RIPOR3: variants seen among roughly 807,000 people sequenced by gnomAD.
RIPOR3 encodes family with sequence similarity 65 member C.
RIPOR3 carries 95 observed loss-of-function variants against 114.3 expected under a neutral mutation model. That is an observed-to-expected ratio of 0.83 (90% CI 0.70 to 0.99). The LOEUF (loss-of-function observed/expected upper bound fraction) is 0.99. Ranked by LOEUF, RIPOR3 falls within the 50% of genes least tolerant of loss-of-function variation. The pLI is 0.00. For missense variants in RIPOR3, 1,252 were observed against 1,266.9 expected (o/e 0.99, Z 0.18); for synonymous variants, 575 against 543.8 (o/e 1.06, Z -0.80).
chr20:50,621,231 C>G (rs73272574), intron 2 of RIPOR3, among the ~76,000 whole-genome samples: 1,535 of 152,334 alleles, frequency 0.01, 37 homozygotes, highest in African/African-American at 0.035. Context: ...CATGCTCTGC[C>G]TGTGCAGGCA....
In RIPOR3 at chr20:50,609,737, C is replaced by G; in HGVS notation, c.427-15G>C. 1 of 1,362,388 alleles carries G rather than the reference C, an allele frequency of 7.3e-7. No homozygotes were observed. The highest frequency in any genetic ancestry group is 9.5e-7 in the Non-Finnish European group (1 of 1,055,088). The allele number at this position is 1,362,388 out of a possible 1,614,324, so 84.4% of individuals were successfully genotyped here. On this transcript the variant is annotated splice_polypyrimidine_tract_variant and intron_variant, in intron 6 of 21. Coordinates refer to ENST00000327979, the MANE Select transcript of RIPOR3 (RefSeq NM_001290268.2). Reference sequence around the variant, plus strand: ...AGCTCATCCACCTGTGGTGGGCACACGGGCTGGTGGCGCTGCCCACGCGGA... The same window carrying G: ...AGCTCATCCACCTGTGGTGGGCACAGGGGCTGGTGGCGCTGCCCACGCGGA...
intron 1 of RIPOR3, among the ~76,000 whole-genome samples, chr20:50,668,463 G>GCGC (rs1417242685): frequency 2.0e-5 from 3 of 152,124 alleles, no homozygotes; most frequent in African/African-American, 4.8e-5. Context: ...CCCAACCTTT[G>GCGC]CGCCTCCTCC....
chr20:50,626,290 G>A (rs1169048061), intron 2 of RIPOR3, among the ~76,000 whole-genome samples: 1 of 152,222 alleles, frequency 6.6e-6, no homozygotes, highest in Non-Finnish European at 1.5e-5. Flanking sequence ...AGGCCAGGTG[G>A]GGGCTGCCCA....
In RIPOR3 at chr20:50,589,733, C is replaced by G. The variant is rs761255631; in HGVS notation, c.2614G>C (p.Asp872His). Reference protein sequence around the residue: ...LFYTNALAENDARLQQAACLA... With the variant: ...LFYTNALAENHARLQQAACLA... ...CATGCGGCCTGCTGGAGCCTTGCGT[C>G]GTTCTCTGCCAGGGCGTTGGTGTAG... The change falls in exon 20 of 22, where the codon GAC (aspartate) becomes CAC (histidine). Residue 872 changes from aspartate to histidine, a missense_variant. Transcript: ENST00000327979. The G allele has an allele frequency of 6.2e-7, 1 of 1,613,658 alleles. No individual in the cohort carries two copies. Among genetic ancestry groups the G allele is most frequent in the Admixed American group, 1.7e-5 (1 of 59,980 alleles).
At chr20:50,679,104 CAAAAAAA>C (rs1215128742) in intron 1 of RIPOR3, among the ~76,000 whole-genome samples, 2 of 35,980 alleles carry the variant, frequency 5.6e-5, no homozygotes, top group Non-Finnish European at 7.7e-5. Flanking sequence ...GATCCTGTCT[CAAAAAAA>C]AAAAAAAAAA....
chr20:50,607,338 A>G (rs1302055692), intron 11 of RIPOR3, among the ~76,000 whole-genome samples: 1 of 152,170 alleles, frequency 6.6e-6, no homozygotes, highest in African/African-American at 2.4e-5. Flanking sequence ...CACCGAGGCA[A>G]GTGATGCTCA....
chr20:50,627,017 G>GAA (rs1193955700), intron 2 of RIPOR3, among the ~76,000 whole-genome samples: 19,933 of 122,918 alleles, frequency 0.16, 3,086 homozygotes, highest in African/African-American at 0.4. Flanking sequence ...TCCGTCTCAA[G>GAA]AAAAAAAAAA....
At chr20:50,594,197 A>AC (rs1478635623) in intron 17 of RIPOR3, among the ~76,000 whole-genome samples, 1 of 149,912 alleles carries the variant, frequency 6.7e-6, no homozygotes, top group Non-Finnish European at 1.5e-5. Flanking sequence ...AATCGCTTGA[A>AC]CCCGGGAGGT....
intron 14 of RIPOR3, 124 bp from the exon 15 acceptor site, chr20:50,596,387 C>T: frequency 7.3e-7 from 1 of 1,365,970 alleles, no homozygotes; most frequent in South Asian, 1.3e-5. Context: ...CCAGGAAGTT[C>T]AACTGAAGAG....
intron 14 of RIPOR3, chr20:50,597,280 C>T (rs1306859812): frequency 5.8e-6 from 2 of 342,204 alleles, no homozygotes; most frequent in African/African-American, 2.1e-5. Context: ...AGAACTTCTA[C>T]TATATACTTG....
At chr20:50,588,367 C>T (rs919936684) in intron 20 of RIPOR3, among the ~76,000 whole-genome samples, 2 of 152,244 alleles carry the variant, frequency 1.3e-5, no homozygotes, top group African/African-American at 2.4e-5. Context: ...TCCTAACCAG[C>T]TTCTCCTCTT....
rs573740969 is a variant in RIPOR3 at position 50,661,143 on chromosome 20, C to T, written c.3+29983G>A. The stretch of plus-strand genomic sequence containing the variant: ...ATCCCAGCTACTCGGGAGGCTGAGG[C>T]AGGAGAATCGCTTGAACGCGGGAGG... On this transcript the variant is annotated intron_variant, in intron 1 of 21. Transcript: ENST00000327979. 9.3e-5 allele frequency among the ~76,000 whole-genome samples: 14 copies of T among 151,144 alleles called. No individual in the cohort carries two copies. In the East Asian group the frequency reaches 2.8e-3, roughly 30 times the overall value.
At chr20:50,682,393 A>G (rs2086887471) in intron 1 of RIPOR3, among the ~76,000 whole-genome samples, 1 of 152,206 alleles carries the variant, frequency 6.6e-6, no homozygotes, top group Admixed American at 6.5e-5. Context: ...TGATTGCTTG[A>G]GGCCAGGAGT....
At chr20:50,625,944 T>A (rs1424410940) in intron 2 of RIPOR3, among the ~76,000 whole-genome samples, 1 of 152,130 alleles carries the variant, frequency 6.6e-6, no homozygotes, top group Non-Finnish European at 1.5e-5. Context: ...GGAGTAAAAA[T>A]CCCTGTCTAT....
rs775249600 is a variant in RIPOR3, at chr20:50,602,065, G to A, written c.1659+7C>T. 4.6e-6 allele frequency: 7 copies of A among 1,530,526 alleles called. No homozygotes were observed. Among genetic ancestry groups the A allele is most frequent in the Non-Finnish European group, 6.1e-6 (7 of 1,140,848 alleles). The allele number at this position is 1,530,526 out of a possible 1,614,324, so 94.8% of individuals were successfully genotyped here. A position where few individuals can be genotyped will look rare whatever the true frequency, so the allele number is the denominator to read the frequency against. ...CAGGGCCACCGCCCGGGGCGGGGTG[G>A]CCATACCTTCAGCCGGTCCCGGAAG... is the stretch of plus-strand genomic sequence containing the variant. On this transcript the variant is annotated splice_region_variant and intron_variant, in intron 13 of 21. Transcript: ENST00000327979. This position sits in a 1 kb window ranked among gnomAD's most constrained non-coding sequence, Gnocchi z 4.3.
rs1332757401 is a variant in RIPOR3, at chr20:50,681,236, AAAAAAAGAAAAG to A, written c.3+9878_3+9889del. Among the ~76,000 whole-genome samples the A allele has an allele frequency of 9.6e-5, 11 of 114,262 alleles. No individual in the cohort carries two copies. The East Asian group carries it at 1.3e-3, about 14-fold the overall frequency. The allele number at this position is 114,262 out of a possible 152,430, so 75.0% of individuals were successfully genotyped here. On this transcript the variant is annotated intron_variant, in intron 1 of 21. Coordinates refer to ENST00000327979, the MANE Select transcript of RIPOR3 (RefSeq NM_001290268.2). ...CCAAACTCTGTCTCAAAAAAAAAAA[AAAAAAAGAAAAG>A]AAAAGAAAAGAAACAATAAGGCACT...
At position 50,681,275 on chromosome 20, in the gene RIPOR3, G is replaced by GAA. The variant is rs34596961; in HGVS notation, c.3+9849_3+9850dup. On this transcript the variant is annotated intron_variant, in intron 1 of 21. Coordinates refer to ENST00000327979, the MANE Select transcript of RIPOR3 (RefSeq NM_001290268.2). ...AAAGAAAAGAAACAATAAGGCACTAGAAAAAAAAAAACATATAATGAGGCT... is the reference window on the plus strand; with the variant it reads ...AAAGAAAAGAAACAATAAGGCACTAGAAAAAAAAAAAAACATATAATGAGGCT... 2.7e-3 allele frequency among the ~76,000 whole-genome samples: 369 copies of GAA among 135,036 alleles called. 1 individual carries two copies. Among genetic ancestry groups the GAA allele is most frequent in the Admixed American group, 6.3e-3 (78 of 12,444 alleles). 88.6% of individuals were successfully genotyped at this position (135,036 alleles called of 152,430 possible). A position where few individuals can be genotyped will look rare whatever the true frequency, so the allele number is the denominator to read the frequency against.
At chr20:50,618,383 G>A (rs1362439410) in intron 3 of RIPOR3, among the ~76,000 whole-genome samples, 3 of 151,132 alleles carry the variant, frequency 2.0e-5, no homozygotes. Context: ...TTGGCCCACA[G>A]GGCCCCCTGT....
intron 1 of RIPOR3, among the ~76,000 whole-genome samples, chr20:50,682,927 A>G (rs531188442): frequency 1.9e-4 from 29 of 152,142 alleles, no homozygotes; most frequent in African/African-American, 6.7e-4. Context: ...GGGTTTCTCC[A>G]TGTTGGTCAG....
Sources: gnomAD v4.1 joint callset for allele counts (sites outside exome capture counted in the v4.1 genomes callset) on GRCh38, gnomAD v4.1.1 for gene constraint, Gnocchi (gnomAD v3.1) non-coding constraint, MANE v1.5 for transcripts, NCBI Gene and HGNC (gene_info 2026-07-23, HGNC 2026-07-21) for gene names.